ZNF618: variants seen among roughly 807,000 people sequenced by gnomAD.
ZNF618 encodes the protein zinc finger protein 618.
Under a neutral mutation model 103.0 loss-of-function variants are expected in ZNF618, and 34 were observed. The observed-to-expected ratio is 0.33, with a 90% CI of 0.25 to 0.44. The LOEUF is 0.44. Among genes scored for constraint, ZNF618 ranks in the 20% least tolerant of loss-of-function variants. ZNF618 has a pLI of 1.00. For synonymous variants in ZNF618, 551 were observed against 542.2 expected (o/e 1.02, Z -0.23); for missense variants, 1,059 against 1,295.4 (o/e 0.82, Z 2.80).
intron 1 of ZNF618, among the ~76,000 whole-genome samples, chr9:113,944,554 AG>A (rs1397430027): frequency 6.6e-6 from 1 of 152,202 alleles, no homozygotes; most frequent in Non-Finnish European, 1.5e-5. Flanking sequence ...CTGGGATTAC[AG>A]GCATGAGCCA....
intron 2 of ZNF618, among the ~76,000 whole-genome samples, chr9:113,974,201 A>T (rs1003078713): frequency 1.3e-5 from 2 of 152,226 alleles, no homozygotes; most frequent in Admixed American, 1.3e-4. Context: ...AGAGCCGGAG[A>T]CAGTGTTGCC....
chr9:113,956,212 A>T (rs1398885599), intron 1 of ZNF618, among the ~76,000 whole-genome samples: 5 of 88,068 alleles, frequency 5.7e-5, no homozygotes, highest in African/African-American at 2.2e-4. Flanking sequence ...TCTGTCTCAA[A>T]AAAAAAAAAA....
chr9:113,939,299 T>C (rs1247054372), intron 1 of ZNF618, among the ~76,000 whole-genome samples: 1 of 152,150 alleles, frequency 6.6e-6, no homozygotes, highest in African/African-American at 2.4e-5. Context: ...TTGTTTGTTG[T>C]TGTTGTTGTT....
chr9:113,990,091 A>G (rs1315388156), intron 3 of ZNF618, among the ~76,000 whole-genome samples: 2 of 152,138 alleles, frequency 1.3e-5, no homozygotes, highest in African/African-American at 4.8e-5. Context: ...TACTTTGTGT[A>G]TGCTGTTGCC....
At position 113,884,734 on chromosome 9, in the gene ZNF618, A is replaced by G. The variant is rs531309379; in HGVS notation, c.33+8321A>G. Among the ~76,000 whole-genome samples, 8 of 151,982 alleles carry G rather than the reference A, an allele frequency of 5.3e-5. No homozygotes were observed. In the South Asian group the frequency reaches 1.7e-3, roughly 32 times the overall value. On this transcript the variant is annotated intron_variant, in intron 1 of 14. Coordinates refer to ENST00000374126, the MANE Select transcript of ZNF618 (RefSeq NM_001318042.2). ...CACACACACACGCACCCCATGGGAC[A>G]TGAAGCCAGTTTTTCCTTCCTTATC...
chr9:113,940,263 G>GT (rs1227684109), intron 1 of ZNF618, among the ~76,000 whole-genome samples: 2 of 151,674 alleles, frequency 1.3e-5, no homozygotes, highest in African/African-American at 4.8e-5. Context: ...GGTTATTGAG[G>GT]TTTTTTTTGT....
At position 113,878,820 on chromosome 9, in the gene ZNF618, C is replaced by T. The variant is rs184294254; in HGVS notation, c.33+2407C>T. On this transcript the variant is annotated intron_variant, in intron 1 of 14. Coordinates refer to ENST00000374126, the MANE Select transcript of ZNF618 (RefSeq NM_001318042.2). ...TGGCCCCAGTCCATAGATTCCCAAC[C>T]CTGTTTTGTGGAAATTTGGATGTTT... Among the ~76,000 whole-genome samples the T allele has an allele frequency of 4.8e-3, 723 of 152,168 alleles. 3 individuals carry two copies. Among genetic ancestry groups the T allele is most frequent in the Non-Finnish European group, 6.4e-3 (434 of 68,010 alleles).
chr9:114,034,583 T>C (rs904427278), intron 12 of ZNF618, among the ~76,000 whole-genome samples: 1 of 152,088 alleles, frequency 6.6e-6, no homozygotes, highest in Middle Eastern at 3.2e-3. Flanking sequence ...CTTTTTGGAG[T>C]GGGAAACTGA....
chr9:113,956,209 CAAAAAAAAAAAA>C (rs10537910), intron 1 of ZNF618, among the ~76,000 whole-genome samples: 31 of 44,578 alleles, frequency 7.0e-4, no homozygotes, highest in African/African-American at 1.5e-3. Flanking sequence ...AACTCTGTCT[CAAAAAAAAAAAA>C]AAAAAAAAAA....
chr9:114,033,389 A>AAGAGAGAGAGAG lies in ZNF618; in HGVS notation c.1168+682_1168+693dup, dbSNP rs10624141. Among the ~76,000 whole-genome samples, 92 of 147,180 alleles carry AAGAGAGAGAGAG rather than the reference A, an allele frequency of 6.3e-4. 1 individual carries two copies. Among genetic ancestry groups the AAGAGAGAGAGAG allele is most frequent in the Admixed American group, 9.5e-4 (14 of 14,756 alleles). ...TGACAGAGCGAGACTCTGTCTCAAA[A>AAGAGAGAGAGAG]AGAGAGAGAGAGAGAGAGAGAGAGA... On this transcript the variant is annotated intron_variant, in intron 12 of 14. Coordinates refer to ENST00000374126, the MANE Select transcript of ZNF618 (RefSeq NM_001318042.2).
At chr9:113,934,186 A>G (rs1233345498) in intron 1 of ZNF618, among the ~76,000 whole-genome samples, 1 of 152,176 alleles carries the variant, frequency 6.6e-6, no homozygotes, top group Non-Finnish European at 1.5e-5. Flanking sequence ...CACGGTGTCT[A>G]GATGATGCCA....
chr9:114,000,157 C>A (rs1841037564), intron 4 of ZNF618, among the ~76,000 whole-genome samples: 1 of 152,148 alleles, frequency 6.6e-6, no homozygotes, highest in Non-Finnish European at 1.5e-5. Context: ...ATGACAGCGG[C>A]CCTTGGAGTG....
At chr9:113,899,509 C>T (rs1481214177) in intron 1 of ZNF618, among the ~76,000 whole-genome samples, 2 of 152,222 alleles carry the variant, frequency 1.3e-5, no homozygotes, top group African/African-American at 2.4e-5. Flanking sequence ...AGCGCGAACC[C>T]TATTGTGAAT....
At chr9:113,989,513 C>T (rs184722913) in intron 3 of ZNF618, among the ~76,000 whole-genome samples, 12 of 152,322 alleles carry the variant, frequency 7.9e-5, no homozygotes, top group Non-Finnish European at 1.5e-4. Flanking sequence ...TCATTCCTGG[C>T]GTGGAGGCCT....
intron 2 of ZNF618, among the ~76,000 whole-genome samples, chr9:113,974,705 C>G (rs1316305741): frequency 1.3e-5 from 2 of 152,102 alleles, no homozygotes; most frequent in Non-Finnish European, 2.9e-5. Context: ...AGTGGAGCAG[C>G]TGTACTCCTG....
intron 1 of ZNF618, among the ~76,000 whole-genome samples, chr9:113,916,731 TGCAAG>T (rs926290809): frequency 6.6e-6 from 1 of 152,232 alleles, no homozygotes; most frequent in African/African-American, 2.4e-5. Context: ...ATTCTCGTGT[TGCAAG>T]GTGTGTATCC....
At chr9:113,994,700 C>G (rs1840397915) in intron 3 of ZNF618, among the ~76,000 whole-genome samples, 1 of 152,280 alleles carries the variant, frequency 6.6e-6, no homozygotes, top group South Asian at 2.1e-4. Flanking sequence ...AAACGTAAAA[C>G]CAGTACCACT....
intron 2 of ZNF618, among the ~76,000 whole-genome samples, chr9:113,980,786 G>A (rs1010222628): frequency 6.6e-6 from 1 of 152,218 alleles, no homozygotes; most frequent in African/African-American, 2.4e-5. Context: ...GCTGGATGGA[G>A]GAGAGGCAGG....
intron 2 of ZNF618, among the ~76,000 whole-genome samples, chr9:113,983,659 C>G (rs2133187575): frequency 6.6e-6 from 1 of 152,306 alleles, no homozygotes; most frequent in African/African-American, 2.4e-5. Context: ...GGGAAAAAGA[C>G]ATTCCCCTGT....
Sources: allele counts gnomAD v4.1 joint callset (sites outside exome capture counted in the v4.1 genomes callset), GRCh38; gene constraint gnomAD v4.1.1; transcripts MANE v1.5; gene names NCBI Gene and HGNC (gene_info 2026-07-23, HGNC 2026-07-21).